ZNF565: variants seen among roughly 807,000 people sequenced by gnomAD.
ZNF565 encodes the protein zinc finger protein 565.
A neutral mutation model predicts 39.4 loss-of-function variants in ZNF565; 27 were observed. The ratio of observed to expected loss-of-function variants is 0.69; its 90% CI spans 0.51 to 0.95. The LOEUF is 0.95. ZNF565 is among the 40% of genes least tolerant of loss of function. The pLI is 0.00. For missense variants in ZNF565, 524 were observed against 621.1 expected, an observed-to-expected ratio of 0.84 and a Z score of 1.66; for synonymous variants, 185 against 216.6, an observed-to-expected ratio of 0.85 and a Z score of 1.28.
intron 1 of ZNF565, among the ~76,000 whole-genome samples, chr19:36,243,678 C>T (rs751213894): frequency 6.6e-6 from 1 of 150,816 alleles, no homozygotes. Flanking sequence ...AAAAGAGGAC[C>T]TGGTGTGACA....
chr19:36,237,262 G>A, intron 1 of ZNF565: 4 of 1,613,920 alleles, frequency 2.5e-6, no homozygotes, highest in Non-Finnish European at 3.4e-6. Context: ...GTGAATGTGG[G>A]AAAGCTTTCA....
intron 4 of ZNF565, among the ~76,000 whole-genome samples, chr19:36,186,918 C>T (rs528984895): frequency 9.3e-5 from 14 of 150,948 alleles, no homozygotes; most frequent in South Asian, 2.1e-4. Flanking sequence ...TGGCCGGGTG[C>T]GGTGACTCAT....
At chr19:36,203,378 G>C (rs1353504566) in intron 1 of ZNF565, 1 of 149,746 alleles carries the variant, frequency 6.7e-6, no homozygotes, top group Non-Finnish European at 1.5e-5. Context: ...AGTGAGAAGA[G>C]GGGGAAGAAT....
intron 4 of ZNF565, among the ~76,000 whole-genome samples, chr19:36,193,347 A>C (rs956991097): frequency 2.6e-5 from 4 of 151,172 alleles, no homozygotes; most frequent in African/African-American, 9.7e-5. Context: ...TGAACTCCTG[A>C]CCTCAGGTGA....
chr19:36,219,165 T>C (rs535590994), upstream of ZNF565, among the ~76,000 whole-genome samples: 7 of 152,168 alleles, frequency 4.6e-5, no homozygotes, highest in African/African-American at 1.7e-4. Flanking sequence ...GTTAGGTTTG[T>C]TTTTTGATTT....
intron 1 of ZNF565, chr19:36,238,441 C>T (rs900028971): frequency 3.6e-5 from 6 of 167,008 alleles, no homozygotes; most frequent in African/African-American, 1.4e-4. Flanking sequence ...AAGGGGACTT[C>T]AGCTTTTTAT....
Position 36,245,554 on chromosome 19 carries a change from T to A in ZNF565, c.-24A>T. On this transcript the variant is annotated 5_prime_UTR_variant, in exon 1 of 5. Transcript: ENST00000355114. The surrounding 1 kb of genome is among the most constrained non-coding windows in gnomAD (Gnocchi z 4.4). ...ATTTAGGTGGTGGCTTGCTCTGGAC[T>A]ACATTTCCCAGGGTCCACCGCGGAT... 1.4e-6 allele frequency: 1 copy of A among 702,146 alleles called. No individual in the cohort carries two copies. Among genetic ancestry groups the A allele is most frequent in the South Asian group, 1.5e-5 (1 of 67,580 alleles). 43.5% of individuals were successfully genotyped at this position (702,146 alleles called of 1,614,324 possible). A position where few individuals can be genotyped will look rare whatever the true frequency, so the allele number is the denominator to read the frequency against.
intron 1 of ZNF565, among the ~76,000 whole-genome samples, chr19:36,212,808 G>A (rs1228240248): frequency 6.6e-6 from 1 of 152,154 alleles, no homozygotes; most frequent in Non-Finnish European, 1.5e-5. Context: ...CTGGAGACCA[G>A]GTTACTTTGG....
At chr19:36,187,027 T>C (rs1187141335) in intron 4 of ZNF565, among the ~76,000 whole-genome samples, 3 of 151,350 alleles carry the variant, frequency 2.0e-5, no homozygotes, top group African/African-American at 7.3e-5. Context: ...CCTGTCTCTA[T>C]TAAAAATACA....
At chr19:36,228,816 G>A (rs186371792) in intron 1 of ZNF565, 4 of 152,408 alleles carry the variant, frequency 2.6e-5, no homozygotes, top group Admixed American at 6.5e-5. Context: ...AAGGATCTGC[G>A]CGGGTGAGTA....
chr19:36,235,412 C>A (rs961360695), intron 1 of ZNF565, among the ~76,000 whole-genome samples: 1 of 152,096 alleles, frequency 6.6e-6, no homozygotes, highest in Non-Finnish European at 1.5e-5. Flanking sequence ...CTACCTAGAT[C>A]ACCTCAAGTA....
At chr19:36,215,417 G>GGT (rs372761164), upstream of ZNF565, among the ~76,000 whole-genome samples, 18 of 152,210 alleles carry the variant, frequency 1.2e-4, no homozygotes, top group African/African-American at 4.1e-4. Context: ...TGTGAAACTG[G>GGT]GTGCGGGATT....
At chr19:36,230,828 G>C (rs981132256) in intron 1 of ZNF565, among the ~76,000 whole-genome samples, 1 of 152,040 alleles carries the variant, frequency 6.6e-6, no homozygotes, top group Non-Finnish European at 1.5e-5. Context: ...TTGAGACTGA[G>C]TCTTGCTCTG....
intron 2 of ZNF565, among the ~76,000 whole-genome samples, chr19:36,200,246 G>C (rs1469553768): frequency 1.3e-5 from 2 of 151,674 alleles, no homozygotes; most frequent in Non-Finnish European, 2.9e-5. Flanking sequence ...GGCTGGTCTC[G>C]AACTCCTGAC....
intron 4 of ZNF565, among the ~76,000 whole-genome samples, chr19:36,191,570 GC>G (rs1975544358): frequency 6.6e-6 from 1 of 152,118 alleles, no homozygotes; most frequent in Non-Finnish European, 1.5e-5. Context: ...GAACCCAGGA[GC>G]CAAGCTTAAC....
At chr19:36,221,179 C>G (rs1269280967) in intron 1 of ZNF565, among the ~76,000 whole-genome samples, 1 of 151,304 alleles carries the variant, frequency 6.6e-6, no homozygotes, top group Non-Finnish European at 1.5e-5. Flanking sequence ...TGTATGTAGT[C>G]AAAGAACTCT....
intron 4 of ZNF565, 138 bp from the exon 5 acceptor site, chr19:36,183,871 G>A: frequency 1.4e-6 from 1 of 716,538 alleles, no homozygotes; most frequent in Non-Finnish European, 2.3e-6. Context: ...TGGATCACAA[G>A]GTCGGGAGTT....
rs117425093 is a variant in ZNF565, at chr19:36,242,392, G to A, written c.55+3084C>T. On this transcript the variant is annotated intron_variant, in intron 1 of 4. Coordinates refer to the ZNF565 transcript ENST00000355114. ...CTATTGAACTCCAGCCTGGGTGGCA[G>A]AGCGAGACTCCATTTCAAAAAAAAT... Among the ~76,000 whole-genome samples the A allele has an allele frequency of 6.5e-3, 988 of 151,946 alleles. 8 individuals carry two copies. Among genetic ancestry groups the A allele is most frequent in the Non-Finnish European group, 0.012 (826 of 67,988 alleles).
At chr19:36,244,439 T>C (rs1231028259) in intron 1 of ZNF565, among the ~76,000 whole-genome samples, 1 of 152,124 alleles carries the variant, frequency 6.6e-6, no homozygotes. Flanking sequence ...TCCCAGCTAC[T>C]CAGGAGACTG....
Sources: allele counts gnomAD v4.1 joint callset (sites outside exome capture counted in the v4.1 genomes callset), GRCh38; gene constraint gnomAD v4.1.1; non-coding constraint Gnocchi (gnomAD v3.1); transcripts MANE v1.5; gene names NCBI Gene and HGNC (gene_info 2026-07-23, HGNC 2026-07-21).